Variants in ARHGAP29 observed in about 807,000 individuals in gnomAD.
The protein encoded by ARHGAP29 is Rho GTPase activating protein 29, also known as rho GTPase-activating protein 29.
A neutral mutation model predicts 122.6 loss-of-function variants in ARHGAP29; 43 were observed. The observed-to-expected ratio is 0.35, with a 90% confidence interval of 0.27 to 0.45. The LOEUF is 0.45. Among genes scored for constraint, ARHGAP29 ranks in the 20% least tolerant of loss-of-function variants. ARHGAP29 has a pLI of 1.00. For missense variants in ARHGAP29, 1,303 were observed against 1,477.2 expected, an observed-to-expected ratio of 0.88 and a Z score of 1.93; for synonymous variants, 506 against 497.1, an observed-to-expected ratio of 1.02 and a Z score of -0.24.
At chr1:94,241,763 G>C (rs987256187), upstream of ARHGAP29, among the ~76,000 whole-genome samples, 14 of 108,038 alleles carry the variant, frequency 1.3e-4, no homozygotes, top group Non-Finnish European at 2.4e-4. Flanking sequence ...ATCAAATGGA[G>C]GAATAAATAA....
At position 94,173,202 on chromosome 1, in the gene ARHGAP29, G is replaced by C. The variant is rs181497124; in HGVS notation, c.*667C>G. ...TAACTGAATATATAATTTAGAAACA[G>C]GTTTAAGTGCATTTTCTTTGTACAA... On this transcript the variant is annotated 3_prime_UTR_variant, in exon 23 of 23. Transcript: ENST00000260526. 2.6e-5 allele frequency: 4 copies of C among 152,518 alleles called. No homozygotes were observed. The highest frequency in any genetic ancestry group is 9.7e-5 in the African/African-American group (4 of 41,422). 9.4% of individuals were successfully genotyped at this position (152,518 alleles called of 1,614,324 possible). A position where few individuals can be genotyped will look rare whatever the true frequency, so the allele number is the denominator to read the frequency against.
upstream of ARHGAP29, among the ~76,000 whole-genome samples, chr1:94,277,966 T>A (rs1176759174): frequency 6.6e-6 from 1 of 151,922 alleles, no homozygotes; most frequent in Non-Finnish European, 1.5e-5. Flanking sequence ...AATAGACACA[T>A]CTCAGTAGCT....
rs761910745 is a variant in ARHGAP29 at position 94,185,351 on chromosome 1, T to C, written c.1911A>G (p.Glu637=). 3.1e-6 allele frequency: 5 copies of C among 1,599,906 alleles called. No homozygotes were observed. In the African/African-American group the frequency reaches 6.7e-5, roughly 22 times the overall value. The stretch of plus-strand genomic sequence containing the variant: ...TCCACAAAGATCTTACCTCTTCACA[T>C]TCAACACCTTGGAACACTACAATGC... ...CEGIVVFQGV[E]CEECLLVCHR... is the part of the protein sequence containing the mutation. The change falls in exon 17 of 23, where the codon GAA becomes GAG. Residue 637 remains glutamate, a synonymous_variant. Coordinates refer to ENST00000260526, the MANE Select transcript of ARHGAP29 (RefSeq NM_004815.4).
chr1:94,293,309 G>A, the ARHGAP29 span, among the ~76,000 whole-genome samples: 4 of 152,356 alleles, frequency 2.6e-5, no homozygotes, highest in South Asian at 8.3e-4. Flanking sequence ...GAATCTCCTG[G>A]TCTGCCGGTT....
chr1:94,203,180 T>G lies in ARHGAP29; in HGVS notation c.793A>C (p.Asn265His). The G allele has an allele frequency of 1.2e-6, 2 of 1,612,210 alleles. No individual in the cohort carries two copies. Residue 265 changes from asparagine (N) to histidine (H), a missense_variant, in exon 9 of 23, where the codon AAT (asparagine) becomes CAT (histidine). Physicochemically the swap from Asn to His is moderately conservative, Grantham distance 68 (BLOSUM62 1). Transcript: ENST00000260526. ...EFMPLQSLFTNALLNDIESSH... is the reference protein window; with the variant it reads ...EFMPLQSLFTHALLNDIESSH... ...CTTTCTATATCATTAAGAAGAGCAT[T>G]AGTAAACAGAGACTGCAGTGGCATG...
chr1:94,253,120 G>A (rs1464429385), intron 1 of ARHGAP29, among the ~76,000 whole-genome samples: 2 of 152,024 alleles, frequency 1.3e-5, no homozygotes, highest in Non-Finnish European at 2.9e-5. Context: ...ACAGGTGCAT[G>A]CCACCACAGC....
the ARHGAP29 span, among the ~76,000 whole-genome samples, chr1:94,287,498 T>C: frequency 6.7e-6 from 1 of 149,504 alleles, no homozygotes; most frequent in African/African-American, 2.5e-5. Flanking sequence ...CCTCTTTTAC[T>C]ATTATTATTA....
intron 12 of ARHGAP29, among the ~76,000 whole-genome samples, chr1:94,199,859 T>G (rs530135732): frequency 2.0e-4 from 30 of 152,234 alleles, no homozygotes; most frequent in African/African-American, 6.7e-4. Context: ...AAATCCTAAG[T>G]TTTTCTTTCA....
the ARHGAP29 span, among the ~76,000 whole-genome samples, chr1:94,297,021 G>A: frequency 2.6e-5 from 4 of 152,126 alleles, no homozygotes; most frequent in Admixed American, 6.6e-5. Flanking sequence ...TGAAAGTTTC[G>A]GCCAGGTCTG....
intron 1 of ARHGAP29, among the ~76,000 whole-genome samples, chr1:94,251,195 AAG>A (rs1377727760): frequency 3.4e-5 from 5 of 145,548 alleles, no homozygotes; most frequent in Non-Finnish European, 7.5e-5. Context: ...TTTTGAGAGG[AAG>A]TCTTGCTCTG....
chr1:94,256,534 A>ATTTT (rs1413770496), intron 1 of ARHGAP29, among the ~76,000 whole-genome samples: 3 of 78,666 alleles, frequency 3.8e-5, no homozygotes, highest in African/African-American at 1.7e-4. Flanking sequence ...AACAGTACTA[A>ATTTT]TCTTTTTTTT....
At position 94,202,722 on chromosome 1, in the gene ARHGAP29, T is replaced by G; in HGVS notation, c.965A>C (p.Glu322Ala). ...TAATTTTGCCTTTTTGAGAGCATTC[T>G]CTGCTTCAAGCTACACCGAAAAGAG... is the stretch of plus-strand genomic sequence containing the variant. ...KQEQNKMLEA[E>A]NALKKAKLLC... The change falls in exon 11 of 23, where the codon GAG becomes GCG. Residue 322 changes from glutamate (E) to alanine (A), a missense_variant. Physicochemically the swap from Glu to Ala is moderately radical, Grantham distance 107. Transcript: ENST00000260526. 1 of 1,613,560 alleles carries G rather than the reference T, an allele frequency of 6.2e-7. No homozygotes were observed. The highest frequency in any genetic ancestry group is 8.5e-7 in the Non-Finnish European group (1 of 1,179,960).
At chr1:94,203,692 G>A (rs933098777) in intron 8 of ARHGAP29, among the ~76,000 whole-genome samples, 2 of 151,972 alleles carry the variant, frequency 1.3e-5, no homozygotes, top group African/African-American at 2.4e-5. Flanking sequence ...CTGAGATCAC[G>A]CCACTGCACT....
chr1:94,207,835 T>C (rs1050239526), intron 5 of ARHGAP29, among the ~76,000 whole-genome samples: 2 of 152,098 alleles, frequency 1.3e-5, no homozygotes, highest in African/African-American at 4.8e-5. Context: ...ATATTTGATT[T>C]TTTTTTTTGT....
the ARHGAP29 span, among the ~76,000 whole-genome samples, chr1:94,312,450 A>G: frequency 5.2e-5 from 6 of 116,168 alleles, no homozygotes; most frequent in Admixed American, 5.5e-4. Flanking sequence ...TTTTTTTTTG[A>G]AGACAGAGTC....
intron 1 of ARHGAP29, among the ~76,000 whole-genome samples, chr1:94,260,747 G>A (rs1654529611): frequency 6.6e-6 from 1 of 151,992 alleles, no homozygotes; most frequent in African/African-American, 2.4e-5. Context: ...AATGAAGGAA[G>A]TTGGCTGGTA....
the ARHGAP29 span, among the ~76,000 whole-genome samples, chr1:94,294,746 A>G: frequency 3.3e-5 from 5 of 152,226 alleles, no homozygotes; most frequent in African/African-American, 1.2e-4. Context: ...TTAAATGAGA[A>G]GATGAGAGGA....
chr1:94,220,237 C>T, intron 3 of ARHGAP29, 21 bp downstream of exon 3: 2 of 1,612,390 alleles, frequency 1.2e-6, no homozygotes, highest in South Asian at 1.1e-5. Flanking sequence ...CAGCAACCCA[C>T]TTTTACTATA....
At chr1:94,231,361 A>G in intron 2 of ARHGAP29, 46 bp downstream of exon 2, 1 of 1,544,072 alleles carries the variant, frequency 6.5e-7, no homozygotes. Context: ...AGCATTTAAA[A>G]TTTTACAAAC....
Sources: gnomAD v4.1 joint callset for allele counts (sites outside exome capture counted in the v4.1 genomes callset) on GRCh38, gnomAD v4.1.1 for gene constraint, MANE v1.5 for transcripts, NCBI Gene and HGNC (gene_info 2026-07-23, HGNC 2026-07-21) for gene names.